SNX13: variants seen among roughly 807,000 people sequenced by gnomAD.
SNX13 encodes the protein sorting nexin 13.
A neutral mutation model predicts 133.6 loss-of-function variants in SNX13; 45 were observed. The ratio of observed to expected loss-of-function variants is 0.34; its 90% CI spans 0.27 to 0.43. The LOEUF is 0.43. Among genes scored for constraint, SNX13 ranks in the 20% least tolerant of loss-of-function variants. The pLI is 1.00. For synonymous variants in SNX13, 414 were observed against 373.9 expected, an observed-to-expected ratio of 1.11 and a Z score of -1.24; for missense variants, 1,032 against 1,145.1, an observed-to-expected ratio of 0.90 and a Z score of 1.43.
intron 5 of SNX13, among the ~76,000 whole-genome samples, chr7:17,879,234 T>C (rs1795076527): frequency 6.6e-6 from 1 of 152,242 alleles, no homozygotes; most frequent in Non-Finnish European, 1.5e-5. Context: ...AGTCTCGCTA[T>C]GTTGTCCAGG....
chr7:17,850,316 C>A (rs755306259), intron 11 of SNX13, 31 bp downstream of exon 11: 1 of 1,450,804 alleles, frequency 6.9e-7, no homozygotes, highest in Non-Finnish European at 9.4e-7. Context: ...GTATTTATAA[C>A]TAAACGTTAA....
chr7:17,874,344 C>CT (rs1389581575), intron 7 of SNX13, among the ~76,000 whole-genome samples: 2 of 152,078 alleles, frequency 1.3e-5, no homozygotes, highest in Non-Finnish European at 2.9e-5. Context: ...AGATACTAGT[C>CT]TATGTGTTAA....
intron 5 of SNX13, among the ~76,000 whole-genome samples, chr7:17,883,253 G>A (rs992382982): frequency 2.6e-4 from 40 of 152,004 alleles, no homozygotes; most frequent in African/African-American, 9.4e-4. Context: ...TTACACAGAA[G>A]TACACACATA....
At chr7:17,892,748 C>G (rs1485848590) in intron 3 of SNX13, among the ~76,000 whole-genome samples, 19 of 152,026 alleles carry the variant, frequency 1.2e-4, no homozygotes, top group Admixed American at 1.2e-3. Context: ...GGCCATCTGC[C>G]TCTCTTCATA....
At chr7:17,894,689 G>A (rs960850583) in intron 2 of SNX13, among the ~76,000 whole-genome samples, 2 of 152,082 alleles carry the variant, frequency 1.3e-5, no homozygotes, top group African/African-American at 2.4e-5. Context: ...AAAGCAAAGT[G>A]TTGGAAATCC....
intron 1 of SNX13, among the ~76,000 whole-genome samples, chr7:17,910,054 T>G (rs1583732994): frequency 6.6e-6 from 1 of 152,132 alleles, no homozygotes; most frequent in African/African-American, 2.4e-5. Context: ...AGAGCAAAGG[T>G]AGAAGACAAA....
At chr7:17,804,008 G>A (rs928999888) in intron 20 of SNX13, among the ~76,000 whole-genome samples, 5 of 151,890 alleles carry the variant, frequency 3.3e-5, no homozygotes, top group African/African-American at 1.2e-4. Flanking sequence ...AGTGAGCCGT[G>A]ATCATGTCAC....
Position 17,940,467 on chromosome 7 carries a change from G to T in SNX13, c.-172C>A. ...GCCTCCCCTCGGCCCGGTCGCTCGC[G>T]ACGGACGCGCCGCCATCTTGGAAGA... On this transcript the variant is annotated 5_prime_UTR_variant, in exon 1 of 26. The change creates a premature stop within an existing upstream ORF in the 5' untranslated region. Coordinates refer to ENST00000428135, the MANE Select transcript of SNX13 (RefSeq NM_015132.5). 1.3e-6 allele frequency: 1 copy of T among 752,044 alleles called. No homozygotes were observed. Among genetic ancestry groups the T allele is most frequent in the Non-Finnish European group, 2.3e-6 (1 of 430,298 alleles). 46.6% of individuals were successfully genotyped at this position (752,044 alleles called of 1,614,324 possible). A position where few individuals can be genotyped will look rare whatever the true frequency, so the allele number is the denominator to read the frequency against.
At chr7:17,820,675 T>C (rs925025125) in intron 18 of SNX13, among the ~76,000 whole-genome samples, 2 of 152,148 alleles carry the variant, frequency 1.3e-5, no homozygotes, top group African/African-American at 2.4e-5. Flanking sequence ...CTATATTAAG[T>C]TGAAAAAGAT....
chr7:17,798,864 C>A, intron 23 of SNX13, 106 bp from the exon 24 acceptor site: 1 of 1,218,538 alleles, frequency 8.2e-7, no homozygotes, highest in South Asian at 1.4e-5. Flanking sequence ...TAAATTATCC[C>A]TGAGAGCAAC....
intron 1 of SNX13, among the ~76,000 whole-genome samples, chr7:17,933,499 C>A (rs1053753358): frequency 6.6e-6 from 1 of 151,046 alleles, no homozygotes; most frequent in Non-Finnish European, 1.5e-5. Context: ...GCTGAGATCG[C>A]GCCACTGCAC....
intron 20 of SNX13, among the ~76,000 whole-genome samples, chr7:17,804,366 GATTT>G (rs1178676461): frequency 6.6e-6 from 1 of 151,922 alleles, no homozygotes; most frequent in African/African-American, 2.4e-5. Flanking sequence ...ATAAGTATTT[GATTT>G]ATTTTTTAAA....
intron 15 of SNX13, chr7:17,831,658 G>A: frequency 3.0e-6 from 3 of 983,988 alleles, no homozygotes; most frequent in Non-Finnish European, 3.6e-6. Flanking sequence ...AAAATCAGCT[G>A]TACATTAATC....
chr7:17,885,707 A>G (rs954427290), intron 5 of SNX13, among the ~76,000 whole-genome samples: 1 of 152,156 alleles, frequency 6.6e-6, no homozygotes, highest in Non-Finnish European at 1.5e-5. Context: ...GTGCACCTGT[A>G]ATCCCAGCTA....
chr7:17,822,038 A>T (rs186177545), intron 17 of SNX13, among the ~76,000 whole-genome samples: 3 of 152,268 alleles, frequency 2.0e-5, no homozygotes, highest in Non-Finnish European at 4.4e-5. Context: ...ATATAGAAAA[A>T]ATAAACAAAA....
chr7:17,813,299 A>C (rs1259322308), intron 20 of SNX13, among the ~76,000 whole-genome samples: 2 of 152,222 alleles, frequency 1.3e-5, no homozygotes, highest in Non-Finnish European at 2.9e-5. Flanking sequence ...CATAAAAAAC[A>C]TGGAACACTA....
At chr7:17,856,649 G>A (rs527349640) in intron 9 of SNX13, among the ~76,000 whole-genome samples, 23 of 151,550 alleles carry the variant, frequency 1.5e-4, no homozygotes, top group African/African-American at 1.2e-4. Flanking sequence ...AAAATTAGCC[G>A]GGTATGGTGG....
Position 17,891,576 on chromosome 7 carries a change from A to G in SNX13, c.288T>C (p.Gly96=). The G allele has an allele frequency of 1.9e-6, 3 of 1,612,554 alleles. No individual in the cohort carries two copies. Among genetic ancestry groups the G allele is most frequent in the African/African-American group, 2.7e-5 (2 of 74,982 alleles). ...GGAGAGGTTCATCAATTATATTGGC[A>G]CCCGTCAATCTTCTATCAATCTTAA... ...RTIKIDRRLT[G]ANIIDEPLQQ... is the part of the protein sequence containing the mutation. Residue 96 remains glycine (G), a synonymous_variant, in exon 4 of 26, where the codon GGT becomes GGC. Transcript: ENST00000428135.
intron 5 of SNX13, among the ~76,000 whole-genome samples, chr7:17,884,493 A>C (rs1481906165): frequency 6.6e-6 from 1 of 152,186 alleles, no homozygotes; most frequent in East Asian, 1.9e-4. Flanking sequence ...ATAGATAACA[A>C]TTTTGTATAG....
Sources: allele counts gnomAD v4.1 joint callset (sites outside exome capture counted in the v4.1 genomes callset), GRCh38; gene constraint gnomAD v4.1.1; transcripts MANE v1.5; gene names NCBI Gene and HGNC (gene_info 2026-07-23, HGNC 2026-07-21).